Variants in TMEM168 observed in about 807,000 individuals in gnomAD.
The protein encoded by TMEM168 is transmembrane protein 168.
Under a neutral mutation model 53.2 loss-of-function variants are expected in TMEM168, and 40 were observed. The observed-to-expected ratio is 0.75, with a 90% CI of 0.58 to 0.98. TMEM168 has a LOEUF of 0.98. Among genes scored for constraint, TMEM168 ranks in the 50% least tolerant of loss-of-function variants. The pLI is 0.00. For synonymous variants in TMEM168, 282 were observed against 293.0 expected, an observed-to-expected ratio of 0.96 and a Z score of 0.38; for missense variants, 771 against 828.8, an observed-to-expected ratio of 0.93 and a Z score of 0.86.
rs1792753694 is a variant in TMEM168, at chr7:112,765,551, C to T, written c.*1646G>A. On this transcript the variant is annotated 3_prime_UTR_variant, in exon 5 of 5. Transcript: ENST00000312814. Reference sequence around the variant, plus strand: ...TTTAACATTTGGCTTTTCTACTACCCTACTGCTGAACAGAGCAATAAAAAA... The same window carrying T: ...TTTAACATTTGGCTTTTCTACTACCTTACTGCTGAACAGAGCAATAAAAAA... 1 of 152,018 alleles carries T rather than the reference C, an allele frequency of 6.6e-6. No homozygotes were observed. Among genetic ancestry groups the T allele is most frequent in the Non-Finnish European group, 1.5e-5 (1 of 67,996 alleles). 9.4% of individuals were successfully genotyped at this position (152,018 alleles called of 1,614,324 possible). A position where few individuals can be genotyped will look rare whatever the true frequency, so the allele number is the denominator to read the frequency against.
At chr7:112,777,223 A>G (rs1793108634) in intron 2 of TMEM168, among the ~76,000 whole-genome samples, 1 of 152,190 alleles carries the variant, frequency 6.6e-6, no homozygotes, top group African/African-American at 2.4e-5. Context: ...AAGATATTTT[A>G]ACATTATCCT....
At chr7:112,780,586 A>G (rs1020588681) in intron 2 of TMEM168, among the ~76,000 whole-genome samples, 1 of 152,176 alleles carries the variant, frequency 6.6e-6, no homozygotes, top group African/African-American at 2.4e-5. Flanking sequence ...GGCCAGGTGC[A>G]GTGGCTCACA....
At chr7:112,786,446 T>G (rs886758840) in intron 1 of TMEM168, among the ~76,000 whole-genome samples, 1 of 152,174 alleles carries the variant, frequency 6.6e-6, no homozygotes, top group African/African-American at 2.4e-5. Context: ...TAAGTCTATT[T>G]AAGTATTCCA....
chr7:112,788,337 C>G (rs2116319535), intron 1 of TMEM168: 1 of 152,226 alleles, frequency 6.6e-6, no homozygotes, highest in South Asian at 2.1e-4. Flanking sequence ...AATGAAGCAC[C>G]AGCTCTGTTC....
intron 2 of TMEM168, among the ~76,000 whole-genome samples, chr7:112,776,172 C>T (rs990451927): frequency 6.6e-5 from 10 of 151,532 alleles, no homozygotes; most frequent in African/African-American, 1.9e-4. Context: ...AAACGAATTC[C>T]GTTTATATGA....
At chr7:112,773,869 T>TA (rs1260202339) in intron 3 of TMEM168, among the ~76,000 whole-genome samples, 4 of 152,240 alleles carry the variant, frequency 2.6e-5, no homozygotes, top group African/African-American at 9.6e-5. Flanking sequence ...AGGAATACAT[T>TA]AAAAAAATTA....
chr7:112,774,148 C>A lies in TMEM168; in HGVS notation c.1271+1028G>T, dbSNP rs549975524. On this transcript the variant is annotated intron_variant, in intron 3 of 4. Transcript: ENST00000312814. ...TGTGATGAAAACTGTCATCAGAATTCATTTATGGCAAAGAATTATTTTAAA... is the reference window on the plus strand; with the variant it reads ...TGTGATGAAAACTGTCATCAGAATTAATTTATGGCAAAGAATTATTTTAAA... Among the ~76,000 whole-genome samples, 3 of 152,200 alleles carry A rather than the reference C, an allele frequency of 2.0e-5. No individual in the cohort carries two copies. The South Asian group carries it at 6.2e-4, about 32-fold the overall frequency.
chr7:112,766,650 G>A lies in TMEM168; in HGVS notation c.*547C>T, dbSNP rs905945373. ...GTAATAAGTCACAACCAAGACATCTGAATGTGATGGAGTATAAGCAAATTT... is the reference window on the plus strand; with the variant it reads ...GTAATAAGTCACAACCAAGACATCTAAATGTGATGGAGTATAAGCAAATTT... On this transcript the variant is annotated 3_prime_UTR_variant, in exon 5 of 5. Transcript: ENST00000312814. The A allele has an allele frequency of 6.5e-6, 1 of 152,900 alleles. No individual in the cohort carries two copies. Among genetic ancestry groups the A allele is most frequent in the African/African-American group, 2.4e-5 (1 of 41,456 alleles). The allele number at this position is 152,900 out of a possible 1,614,324, so 9.5% of individuals were successfully genotyped here. A position where few individuals can be genotyped will look rare whatever the true frequency, so the allele number is the denominator to read the frequency against.
chr7:112,783,730 C>A lies in TMEM168; in HGVS notation c.1096G>T (p.Ala366Ser). ...SEQLVFFSLL[A>S]TAILGAVSWQ... ...GAAACTGCTCCCAAAATCGCTGTTG[C>A]AAGAAGACTAAAGAACACCAACTGC... Residue 366 changes from alanine (A) to serine (S), a missense_variant, in exon 2 of 5, where the codon GCA becomes TCA. Ala to Ser is a moderately conservative substitution (Grantham distance 99). Transcript: ENST00000312814. 6.6e-7 allele frequency: 1 copy of A among 1,525,712 alleles called. No homozygotes were observed. The highest frequency in any genetic ancestry group is 2.3e-5 in the Admixed American group (1 of 43,792). The allele number at this position is 1,525,712 out of a possible 1,614,324, so 94.5% of individuals were successfully genotyped here.
intron 1 of TMEM168, among the ~76,000 whole-genome samples, chr7:112,787,096 C>G (rs186017391): frequency 1.3e-5 from 2 of 152,292 alleles, no homozygotes; most frequent in African/African-American, 4.8e-5. Flanking sequence ...TTATTTTATC[C>G]ATTAGTATTT....
rs566090970 is a variant in TMEM168 at position 112,765,904 on chromosome 7, A to G, written c.*1293T>C. On this transcript the variant is annotated 3_prime_UTR_variant, in exon 5 of 5. Transcript: ENST00000312814. ...TCACCAGGTAGAAAATGGTGGAGGC[A>G]TTATTTCCTCTTTCTGAGGCTATAA... The G allele has an allele frequency of 3.2e-4, 46 of 144,758 alleles. No homozygotes were observed. In the South Asian group the frequency reaches 5.9e-3, roughly 19 times the overall value. The allele number at this position is 144,758 out of a possible 1,614,324, so 9.0% of individuals were successfully genotyped here.
intron 1 of TMEM168, among the ~76,000 whole-genome samples, chr7:112,787,454 A>G (rs140580626): frequency 1.6e-3 from 238 of 152,214 alleles, no homozygotes; most frequent in African/African-American, 5.6e-3. Context: ...ATCTTGGCTC[A>G]CTGCAACCTC....
intron 4 of TMEM168, among the ~76,000 whole-genome samples, chr7:112,770,528 C>T (rs1390104880): frequency 1.3e-5 from 2 of 152,066 alleles, no homozygotes; most frequent in Non-Finnish European, 1.5e-5. Flanking sequence ...AAATACAACT[C>T]TATTTTAGTG....
At chr7:112,785,773 T>TTC (rs1793362627) in intron 1 of TMEM168, among the ~76,000 whole-genome samples, 3 of 152,200 alleles carry the variant, frequency 2.0e-5, no homozygotes, top group Admixed American at 1.3e-4. Flanking sequence ...CTTCCACAAG[T>TTC]CACACCTAAA....
intron 1 of TMEM168, among the ~76,000 whole-genome samples, 200 bp downstream of exon 1, chr7:112,789,960 G>T (rs1793501242): frequency 6.6e-6 from 1 of 152,198 alleles, no homozygotes; most frequent in Non-Finnish European, 1.5e-5. Context: ...GCCCAGTTGA[G>T]GGGGAACCCT....
At chr7:112,787,713 A>ATTTTTTT (rs71155069) in intron 1 of TMEM168, among the ~76,000 whole-genome samples, 1 of 38,768 alleles carries the variant, frequency 2.6e-5, no homozygotes, top group Non-Finnish European at 4.4e-5. Flanking sequence ...TGCGACTGGC[A>ATTTTTTT]TTTTTTTTTT....
chr7:112,773,192 A>G (rs750765785), intron 3 of TMEM168, 137 bp from the exon 4 acceptor site: 178 of 873,716 alleles, frequency 2.0e-4, no homozygotes, highest in Non-Finnish European at 2.8e-4. Flanking sequence ...CACCCTTTCT[A>G]AAATTCCTAT....
rs1223254502 is a variant in TMEM168, at chr7:112,772,951, A to G, written c.1376T>C (p.Met459Thr). Residue 459 changes from methionine to threonine, a missense_variant, in exon 4 of 5, where the codon ATG becomes ACG. Physicochemically the swap from Met to Thr is moderately conservative, Grantham distance 81. Transcript: ENST00000312814. Reference sequence around the variant, plus strand: ...ATAGTCACATCCATAGGTCTCAATCATATGATATGCAAAAAATCTTTGGAT... The same window carrying G: ...ATAGTCACATCCATAGGTCTCAATCGTATGATATGCAAAAAATCTTTGGAT... ...NAIQRFFAYH[M>T]IETYGCDYST... is the part of the protein sequence containing the mutation. 1 of 1,613,982 alleles carries G rather than the reference A, an allele frequency of 6.2e-7. No homozygotes were observed. The highest frequency in any genetic ancestry group is 1.7e-5 in the Admixed American group (1 of 59,998).
Position 112,764,154 on chromosome 7 carries a change from A to C in TMEM168, c.*3043T>G, listed in dbSNP as rs1161762528. 6.6e-6 allele frequency: 1 copy of C among 151,700 alleles called. No homozygotes were observed. The highest frequency in any genetic ancestry group is 1.5e-5 in the Non-Finnish European group (1 of 67,902). The allele number at this position is 151,700 out of a possible 1,614,324, so 9.4% of individuals were successfully genotyped here. A position where few individuals can be genotyped will look rare whatever the true frequency, so the allele number is the denominator to read the frequency against. The stretch of plus-strand genomic sequence containing the variant: ...ATAATAAAATTAAAATAAATAAATA[A>C]TGGTTAAAAAAAGAAAATAAATTCA... On this transcript the variant is annotated 3_prime_UTR_variant, in exon 5 of 5. Transcript: ENST00000312814.
Sources: allele counts gnomAD v4.1 joint callset (sites outside exome capture counted in the v4.1 genomes callset), GRCh38; gene constraint gnomAD v4.1.1; transcripts MANE v1.5; gene names NCBI Gene and HGNC (gene_info 2026-07-23, HGNC 2026-07-21).